SLC25A20: variants seen among roughly 807,000 people sequenced by gnomAD.
The protein encoded by SLC25A20 is solute carrier family 25 member 20.
Under a neutral mutation model 39.7 loss-of-function variants are expected in SLC25A20, and 29 were observed. The observed-to-expected ratio is 0.73, with a 90% CI of 0.54 to 1.00. The LOEUF (loss-of-function observed/expected upper bound fraction) is 1.00, where lower values mean the gene tolerates loss of function less well. SLC25A20 is among the 50% of genes least tolerant of loss of function. The pLI is 0.00. For missense variants in SLC25A20, 333 were observed against 379.9 expected (o/e 0.88, Z 1.03); for synonymous variants, 103 against 142.2 (o/e 0.72, Z 1.96).
At chr3:48,861,888 C>T (rs910314639) in intron 5 of SLC25A20, among the ~76,000 whole-genome samples, 14 of 152,012 alleles carry the variant, frequency 9.2e-5, no homozygotes, top group Non-Finnish European at 1.5e-5. Context: ...AATAGCCAGA[C>T]ATGGTGGCAT....
At chr3:48,875,206 C>A (rs1461701481) in intron 4 of SLC25A20, among the ~76,000 whole-genome samples, 2 of 151,736 alleles carry the variant, frequency 1.3e-5, no homozygotes, top group Non-Finnish European at 2.9e-5. Context: ...CGGGTTCAAG[C>A]AATTCTCTGC....
chr3:48,870,929 G>A (rs1416762079), intron 4 of SLC25A20, among the ~76,000 whole-genome samples: 1 of 150,726 alleles, frequency 6.6e-6, no homozygotes, highest in Non-Finnish European at 1.5e-5. Context: ...CGGGTTAAGT[G>A]ATTCTTGTGC....
chr3:48,871,477 G>A (rs191210382), intron 4 of SLC25A20, among the ~76,000 whole-genome samples: 1 of 152,092 alleles, frequency 6.6e-6, no homozygotes, highest in East Asian at 1.9e-4. Flanking sequence ...GAGTAGAATA[G>A]AGAAACAAGG....
At chr3:48,866,022 T>C (rs924492983) in intron 4 of SLC25A20, among the ~76,000 whole-genome samples, 2 of 151,662 alleles carry the variant, frequency 1.3e-5, no homozygotes, top group African/African-American at 4.8e-5. Context: ...TAATCCCAGC[T>C]ACTCGGGAGG....
At chr3:48,890,890 G>A (rs1450046115) in intron 2 of SLC25A20, among the ~76,000 whole-genome samples, 9 of 151,618 alleles carry the variant, frequency 5.9e-5, no homozygotes, top group African/African-American at 1.5e-4. Context: ...TCCTGACCTC[G>A]TGATCCACCC....
chr3:48,860,956 C>T (rs2083622505), intron 5 of SLC25A20, among the ~76,000 whole-genome samples: 1 of 151,318 alleles, frequency 6.6e-6, no homozygotes. Flanking sequence ...GCCTCAGCCT[C>T]CTGAGTAGCT....
intron 3 of SLC25A20, among the ~76,000 whole-genome samples, chr3:48,883,788 AT>A: frequency 6.6e-6 from 1 of 151,632 alleles, no homozygotes; most frequent in South Asian, 2.1e-4. Flanking sequence ...CACCCAGCTA[AT>A]TTTTTTGTAT....
At chr3:48,888,207 GAAA>G (rs751937375) in intron 2 of SLC25A20, among the ~76,000 whole-genome samples, 1 of 44,266 alleles carries the variant, frequency 2.3e-5, no homozygotes. Context: ...ACTCCATCTC[GAAA>G]AAAAAAAAAA....
rs895752302 is a variant in SLC25A20 at position 48,857,745 on chromosome 3, T to C, written c.871A>G (p.Met291Val). The change falls in exon 9 of 9, where the codon ATG (methionine) becomes GTG (valine). Residue 291 changes from methionine to valine, a missense_variant. Physicochemically the swap from Met to Val is conservative, Grantham distance 21. Coordinates refer to ENST00000319017, the MANE Select transcript of SLC25A20 (RefSeq NM_000387.6). Reference protein sequence around the residue: ...AACFLGFEVAMKFLNWATPNL With the variant: ...AACFLGFEVAVKFLNWATPNL ...GGGGTGGCCCAATTAAGGAACTTCA[T>C]GGCAACTTCAAAGCCAAGGAAACAG... 1.2e-6 allele frequency: 2 copies of C among 1,613,750 alleles called. No homozygotes were observed. The highest frequency in any genetic ancestry group is 1.3e-5 in the African/African-American group (1 of 74,852).
At chr3:48,886,489 C>T (rs193190126) in intron 2 of SLC25A20, among the ~76,000 whole-genome samples, 3,797 of 151,976 alleles carry the variant, frequency 0.025, 82 homozygotes, top group Non-Finnish European at 0.035. Flanking sequence ...CGCCATTGCA[C>T]TCCAGCCTGG....
At chr3:48,872,687 C>CA (rs551848720) in intron 4 of SLC25A20, among the ~76,000 whole-genome samples, 1,468 of 65,570 alleles carry the variant, frequency 0.022, 39 homozygotes, top group South Asian at 0.16. Flanking sequence ...CCCATCCTTA[C>CA]AAAAAAAAAA....
intron 4 of SLC25A20, among the ~76,000 whole-genome samples, chr3:48,876,550 C>T (rs369333363): frequency 6.6e-6 from 1 of 150,904 alleles, no homozygotes; most frequent in Non-Finnish European, 1.5e-5. Flanking sequence ...CTCAGCCTCC[C>T]GAGTAGCTGG....
chr3:48,882,723 TA>T (rs1157272683), intron 3 of SLC25A20, among the ~76,000 whole-genome samples: 2 of 151,904 alleles, frequency 1.3e-5, no homozygotes, highest in South Asian at 2.1e-4. Flanking sequence ...CGACCATTGC[TA>T]AAAAAAATTT....
rs762419008 is a variant in SLC25A20 at position 48,861,783 on chromosome 3, T to C, written c.535+759A>G. On this transcript the variant is annotated intron_variant, in intron 5 of 8. Coordinates refer to ENST00000319017, the MANE Select transcript of SLC25A20 (RefSeq NM_000387.6). ...GGCTCACACCAGTAATCCCGGCACCTTGGGAGGCCGAGGCAGGTGCATCAC... is the reference window on the plus strand; with the variant it reads ...GGCTCACACCAGTAATCCCGGCACCCTGGGAGGCCGAGGCAGGTGCATCAC... Among the ~76,000 whole-genome samples the C allele has an allele frequency of 3.3e-5, 5 of 151,704 alleles. No homozygotes were observed. The East Asian group carries it at 9.7e-4, about 29-fold the overall frequency.
intron 3 of SLC25A20, among the ~76,000 whole-genome samples, chr3:48,881,790 A>T (rs1423332338): frequency 8.5e-5 from 13 of 152,178 alleles, no homozygotes; most frequent in African/African-American, 3.1e-4. Flanking sequence ...CTAAAAGACC[A>T]GGCGCTCAAA....
At chr3:48,885,884 T>C (rs1001151151) in intron 2 of SLC25A20, among the ~76,000 whole-genome samples, 1 of 152,022 alleles carries the variant, frequency 6.6e-6, no homozygotes, top group African/African-American at 2.4e-5. Flanking sequence ...AGGCAGTGTG[T>C]AGCAAACCAA....
intron 4 of SLC25A20, among the ~76,000 whole-genome samples, chr3:48,866,666 A>C (rs2083671674): frequency 5.6e-5 from 1 of 17,882 alleles, no homozygotes; most frequent in African/African-American, 5.3e-4. Context: ...AAGACTGGAC[A>C]GAAGTTTTTT....
chr3:48,862,864 T>C (rs916544160), intron 4 of SLC25A20, among the ~76,000 whole-genome samples: 5 of 152,150 alleles, frequency 3.3e-5, no homozygotes, highest in African/African-American at 4.8e-5. Flanking sequence ...ACATTCACAT[T>C]GACTAGAAAT....
chr3:48,890,731 T>C (rs919667525), intron 2 of SLC25A20, among the ~76,000 whole-genome samples: 2 of 145,012 alleles, frequency 1.4e-5, no homozygotes, highest in Non-Finnish European at 3.0e-5. Flanking sequence ...CTCAGCTCAC[T>C]GCAAGCTCCG....
Sources: allele counts gnomAD v4.1 joint callset (sites outside exome capture counted in the v4.1 genomes callset), GRCh38; gene constraint gnomAD v4.1.1; transcripts MANE v1.5; gene names NCBI Gene and HGNC (gene_info 2026-07-23, HGNC 2026-07-21).